Variants in SNX8 observed in about 807,000 individuals in gnomAD.
The protein encoded by SNX8 is sorting nexin-8.
Under a neutral mutation model 51.6 loss-of-function variants are expected in SNX8, and 25 were observed. The ratio of observed to expected loss-of-function variants is 0.48; its 90% CI spans 0.35 to 0.68. The LOEUF (loss-of-function observed/expected upper bound fraction) is 0.68, where lower values mean the gene tolerates loss of function less well. SNX8 is among the 30% of genes least tolerant of loss of function. The pLI is 0.00. For missense variants in SNX8, 695 were observed against 624.0 expected (o/e 1.11, Z -1.21); for synonymous variants, 324 against 277.0 (o/e 1.17, Z -1.68).
intron 1 of SNX8, among the ~76,000 whole-genome samples, chr7:2,301,287 A>G (rs1363429656): frequency 6.6e-6 from 1 of 151,820 alleles, no homozygotes; most frequent in African/African-American, 2.4e-5. Flanking sequence ...CTGCAGCCCC[A>G]CACCTGGTGT....
At chr7:2,297,716 G>A (rs1006072486) in intron 1 of SNX8, among the ~76,000 whole-genome samples, 1 of 151,784 alleles carries the variant, frequency 6.6e-6, no homozygotes, top group African/African-American at 2.4e-5. Context: ...TCATAGAAAA[G>A]AATGAAATCA....
upstream of SNX8, among the ~76,000 whole-genome samples, chr7:2,316,493 G>GCATT (rs796088976): frequency 7.6e-6 from 1 of 130,860 alleles, no homozygotes. Flanking sequence ...ACTGCATCCT[G>GCATT]CATTCATTCA....
chr7:2,333,301 G>C (rs1778772214), intron 1 of SNX8, among the ~76,000 whole-genome samples: 1 of 152,162 alleles, frequency 6.6e-6, no homozygotes, highest in South Asian at 2.1e-4. Flanking sequence ...AGTGGCTCAC[G>C]CCTATAATCC....
chr7:2,318,319 G>A (rs754822173), upstream of SNX8, among the ~76,000 whole-genome samples: 85 of 152,232 alleles, frequency 5.6e-4, no homozygotes, highest in Non-Finnish European at 1.0e-3. Context: ...GGGAGGCTGA[G>A]GCAGGCAGAT....
At chr7:2,305,255 T>C (rs1222841375) in intron 1 of SNX8, among the ~76,000 whole-genome samples, 3 of 152,194 alleles carry the variant, frequency 2.0e-5, no homozygotes, top group Non-Finnish European at 2.9e-5. Flanking sequence ...CACCTCCCTC[T>C]GGGTAAATCC....
chr7:2,348,226 G>A (rs1047356333), intron 1 of SNX8, among the ~76,000 whole-genome samples: 20 of 151,968 alleles, frequency 1.3e-4, no homozygotes, highest in Non-Finnish European at 4.4e-5. Flanking sequence ...CACAGTTCCT[G>A]ACACCTAAAT....
chr7:2,254,786 C>T lies in SNX8; in HGVS notation c.*270G>A, dbSNP rs1795133996. 3.7e-6 allele frequency: 2 copies of T among 538,032 alleles called. No homozygotes were observed. The highest frequency in any genetic ancestry group is 6.7e-6 in the Non-Finnish European group (2 of 298,830). 33.3% of individuals were successfully genotyped at this position (538,032 alleles called of 1,614,324 possible). A position where few individuals can be genotyped will look rare whatever the true frequency, so the allele number is the denominator to read the frequency against. ...GAGAGATCCCTGCCTCCCCGCACAG[C>T]TCTGGGTGTCAGGAGGAAACCATTC... On this transcript the variant is annotated 3_prime_UTR_variant, in exon 11 of 11. Coordinates refer to ENST00000222990, the MANE Select transcript of SNX8 (RefSeq NM_013321.4).
chr7:2,302,752 C>G (rs930162156), intron 1 of SNX8, among the ~76,000 whole-genome samples: 1 of 151,250 alleles, frequency 6.6e-6, no homozygotes, highest in African/African-American at 2.4e-5. Flanking sequence ...CTCTGCCCCA[C>G]CGCCCCGTCT....
chr7:2,271,446 G>C (rs991963366), intron 4 of SNX8, among the ~76,000 whole-genome samples: 4 of 152,222 alleles, frequency 2.6e-5, no homozygotes, highest in Non-Finnish European at 5.9e-5. Flanking sequence ...TTAATTCCCG[G>C]ATGCAGGTGT....
intron 1 of SNX8, among the ~76,000 whole-genome samples, chr7:2,334,853 G>A (rs188016272): frequency 2.5e-3 from 288 of 114,310 alleles, no homozygotes; most frequent in African/African-American, 9.2e-3. Context: ...AGGCAACAGA[G>A]TAAGAGCCCA....
intron 1 of SNX8, among the ~76,000 whole-genome samples, chr7:2,339,448 A>G (rs1439796120): frequency 6.6e-6 from 1 of 151,786 alleles, no homozygotes; most frequent in East Asian, 1.9e-4. Context: ...TGACCTCATG[A>G]TCCACCCACC....
In SNX8 at chr7:2,283,065, G is replaced by A. The variant is rs1795944359; in HGVS notation, c.95-4760C>T. 3.3e-5 allele frequency among the ~76,000 whole-genome samples: 5 copies of A among 151,882 alleles called. No homozygotes were observed. The South Asian group carries it at 1.0e-3, about 31-fold the overall frequency. On this transcript the variant is annotated intron_variant, in intron 1 of 10. Transcript: ENST00000222990. ...GAACCCGGGAGGCGGAGCTTGCAGTGAGCAGAGATCGCGCCACTGCACTCC... is the reference window on the plus strand; with the variant it reads ...GAACCCGGGAGGCGGAGCTTGCAGTAAGCAGAGATCGCGCCACTGCACTCC...
chr7:2,307,053 A>AC (rs1381838030), intron 1 of SNX8, among the ~76,000 whole-genome samples: 1 of 151,694 alleles, frequency 6.6e-6, no homozygotes, highest in Admixed American at 6.6e-5. Flanking sequence ...AGCTAAAAAG[A>AC]CCCCCATTAA....
chr7:2,279,967 T>C (rs955474802), intron 1 of SNX8, among the ~76,000 whole-genome samples: 2 of 152,110 alleles, frequency 1.3e-5, no homozygotes, highest in African/African-American at 2.4e-5. Context: ...AAACTAGCCA[T>C]ACGATCTTCT....
intron 7 of SNX8, 30 bp downstream of exon 7, chr7:2,263,200 A>G: frequency 1.2e-6 from 2 of 1,612,194 alleles, no homozygotes; most frequent in Non-Finnish European, 1.7e-6. Flanking sequence ...GTTCTCTGGA[A>G]CAGGCGCCTG....
chr7:2,257,168 G>T, intron 9 of SNX8, 145 bp from the exon 10 acceptor site: 1 of 1,187,470 alleles, frequency 8.4e-7, no homozygotes, highest in Non-Finnish European at 1.2e-6. Context: ...AGGTAAGAGA[G>T]GGCCGGGGAG....
chr7:2,351,929 G>C (rs1254960378), intron 1 of SNX8, among the ~76,000 whole-genome samples: 1 of 82,660 alleles, frequency 1.2e-5, no homozygotes, highest in Non-Finnish European at 2.4e-5. Flanking sequence ...TTTTTTTTGA[G>C]ATGGATTTTT....
At position 2,349,424 on chromosome 7, in the gene SNX8, AC is replaced by A. The variant is rs1779097774; in HGVS notation, c.-66+4797del. On this transcript the variant is annotated intron_variant, in intron 1 of 5. Transcript: ENST00000435336. ...ATTTTTAGTTTATTTTTTTCACCCT[AC>A]CCCCTATATTTTTAATTTAACTTTT... 7.5e-5 allele frequency among the ~76,000 whole-genome samples: 11 copies of A among 147,386 alleles called. 1 individual carries two copies. In the South Asian group the frequency reaches 2.4e-3, roughly 32 times the overall value.
intron 1 of SNX8, among the ~76,000 whole-genome samples, chr7:2,304,248 T>C (rs943094447): frequency 2.8e-4 from 42 of 150,432 alleles, no homozygotes; most frequent in African/African-American, 9.8e-4. Context: ...CGACTACACA[T>C]AAATCCATCT....
Sources: allele counts gnomAD v4.1 joint callset (sites outside exome capture counted in the v4.1 genomes callset), GRCh38; gene constraint gnomAD v4.1.1; transcripts MANE v1.5; gene names NCBI Gene and HGNC (gene_info 2026-07-23, HGNC 2026-07-21).